The following PCDHGA10 variants were observed in gnomAD, a reference collection of about 807,000 sequenced individuals.
The protein encoded by PCDHGA10 is protocadherin gamma subfamily A, 10.
A neutral mutation model predicts 59.5 loss-of-function variants in PCDHGA10; 42 were observed. That is an observed-to-expected ratio of 0.71 (90% CI 0.55 to 0.91). PCDHGA10 has a LOEUF of 0.91. Ranked by LOEUF, PCDHGA10 falls within the 40% of genes least tolerant of loss-of-function variation. PCDHGA10 has a pLI of 0.00. For missense variants in PCDHGA10, 1,111 were observed against 1,198.2 expected, an observed-to-expected ratio of 0.93 and a Z score of 1.07; for synonymous variants, 511 against 517.2, an observed-to-expected ratio of 0.99 and a Z score of 0.16.
At chr5:141,492,312 C>G (rs1470136040) in intron 1 of PCDHGA10, among the ~76,000 whole-genome samples, 3 of 152,230 alleles carry the variant, frequency 2.0e-5, no homozygotes, top group Non-Finnish European at 4.4e-5. Context: ...CGCACGCACT[C>G]CTCGCACGTG....
At chr5:141,454,131 G>A (rs754465889) in intron 1 of PCDHGA10, among the ~76,000 whole-genome samples, 2 of 152,334 alleles carry the variant, frequency 1.3e-5, no homozygotes, top group South Asian at 2.1e-4. Flanking sequence ...AGCTGACCAT[G>A]GGAATGTTCA....
chr5:141,478,409 G>A, intron 1 of PCDHGA10: 1 of 1,613,016 alleles, frequency 6.2e-7, no homozygotes, highest in South Asian at 1.1e-5. Flanking sequence ...TCTCACCACG[G>A]ACTCCCGCCG....
At chr5:141,463,526 A>G (rs989086820) in intron 1 of PCDHGA10, among the ~76,000 whole-genome samples, 1 of 131,914 alleles carries the variant, frequency 7.6e-6, no homozygotes, top group Non-Finnish European at 1.5e-5. Flanking sequence ...TCGGCTTACT[A>G]GAAACTCCGG....
chr5:141,490,644 T>C lies in PCDHGA10; in HGVS notation c.2437-4163T>C. The C allele has an allele frequency of 6.2e-7, 1 of 1,614,188 alleles. No homozygotes were observed. Among genetic ancestry groups the C allele is most frequent in the Non-Finnish European group, 8.5e-7 (1 of 1,180,016 alleles). On this transcript the variant is annotated intron_variant, in intron 1 of 3. Coordinates refer to ENST00000398610, the MANE Select transcript of PCDHGA10 (RefSeq NM_018913.3). The surrounding 1 kb of genome is among the most constrained non-coding windows in gnomAD (Gnocchi z 5.4). Reference sequence around the variant, plus strand: ...CTGCTTACATCCTAGAAAACCGGCCTCCGGGCTCCCTTCTTTGCACTGTGG... The same window carrying C: ...CTGCTTACATCCTAGAAAACCGGCCCCCGGGCTCCCTTCTTTGCACTGTGG...
chr5:141,430,924 G>A (rs1217400258), intron 1 of PCDHGA10: 1 of 1,607,462 alleles, frequency 6.2e-7, no homozygotes, highest in Admixed American at 1.7e-5. Context: ...TGGGGCTGGA[G>A]CCCCGGGAGC....
At chr5:141,430,786 C>G (rs992448490) in intron 1 of PCDHGA10, 1 of 1,513,352 alleles carries the variant, frequency 6.6e-7, no homozygotes, top group Non-Finnish European at 8.8e-7. Context: ...TGCACCGGGA[C>G]TACAAAGGGC....
At chr5:141,466,107 G>T (rs1463944825) in intron 1 of PCDHGA10, among the ~76,000 whole-genome samples, 1 of 151,928 alleles carries the variant, frequency 6.6e-6, no homozygotes, top group East Asian at 1.9e-4. Flanking sequence ...GGGCAACAGA[G>T]TGAGACTCCA....
At chr5:141,496,639 C>T (rs752903356) in intron 2 of PCDHGA10, among the ~76,000 whole-genome samples, 1 of 152,222 alleles carries the variant, frequency 6.6e-6, no homozygotes, top group Non-Finnish European at 1.5e-5. Context: ...TTGGGCTGCC[C>T]TTGCCCTTCC....
In PCDHGA10 at chr5:141,454,796, A is replaced by ATTTT. The variant is rs61612330; in HGVS notation, c.2436+39211_2436+39214dup. Among the ~76,000 whole-genome samples, 123 of 77,452 alleles carry ATTTT rather than the reference A, an allele frequency of 1.6e-3. 16 individuals are homozygous for ATTTT. The highest frequency in any genetic ancestry group is 7.2e-3 in the South Asian group (14 of 1,958). 50.8% of individuals were successfully genotyped at this position (77,452 alleles called of 152,430 possible). On this transcript the variant is annotated intron_variant, in intron 1 of 3. Coordinates refer to ENST00000398610, the MANE Select transcript of PCDHGA10 (RefSeq NM_018913.3). ...AAGGAAATAATCCTCCATGGTTCTAATTTTTTTTTTTTTTTTTTTTTTTTT... is the reference window on the plus strand; with the variant it reads ...AAGGAAATAATCCTCCATGGTTCTAATTTTTTTTTTTTTTTTTTTTTTTTTTTTT...
At chr5:141,506,962 G>A (rs2099857578) in intron 3 of PCDHGA10, 1 of 152,196 alleles carries the variant, frequency 6.6e-6, no homozygotes, top group Non-Finnish European at 1.5e-5. Context: ...CCTCTCAATA[G>A]CTCTGCAAGG....
At chr5:141,443,169 T>C (rs946262743) in intron 1 of PCDHGA10, among the ~76,000 whole-genome samples, 2 of 152,170 alleles carry the variant, frequency 1.3e-5, no homozygotes, top group Non-Finnish European at 2.9e-5. Flanking sequence ...TCCCTACCCA[T>C]GTCCACTGCA....
intron 1 of PCDHGA10, among the ~76,000 whole-genome samples, chr5:141,450,062 A>G (rs546772416): frequency 1.1e-4 from 15 of 142,322 alleles, no homozygotes; most frequent in African/African-American, 4.0e-4. Flanking sequence ...GCTGGAATGC[A>G]GTGGTATGAT....
rs1409012917 is a variant in PCDHGA10 at position 141,512,928 on chromosome 5, T to A, written c.*1755T>A. On this transcript the variant is annotated 3_prime_UTR_variant, in exon 4 of 4. Transcript: ENST00000398610. ...CAAGTTTTATACTCTAATATTTATA[T>A]GGCTTTTTTTCTTCGACAAAAAAAT... is the stretch of plus-strand genomic sequence containing the variant. 1.3e-5 allele frequency: 2 copies of A among 152,190 alleles called. No individual in the cohort carries two copies. Among genetic ancestry groups the A allele is most frequent in the Non-Finnish European group, 2.9e-5 (2 of 68,044 alleles). The allele number at this position is 152,190 out of a possible 1,614,324, so 9.4% of individuals were successfully genotyped here.
chr5:141,443,781 CA>C (rs1227271563), intron 1 of PCDHGA10, among the ~76,000 whole-genome samples: 2 of 150,514 alleles, frequency 1.3e-5, no homozygotes, highest in African/African-American at 2.4e-5. Flanking sequence ...ACCAAAAAGA[CA>C]AAAAAAATGA....
chr5:141,427,819 T>C, intron 1 of PCDHGA10: 1 of 1,531,664 alleles, frequency 6.5e-7, no homozygotes, highest in Non-Finnish European at 8.9e-7. Context: ...AGCGGGGTGG[T>C]GGTCGCGCAG....
intron 1 of PCDHGA10, chr5:141,418,007 C>T: frequency 6.2e-7 from 1 of 1,613,904 alleles, no homozygotes; most frequent in Non-Finnish European, 8.5e-7. Flanking sequence ...GGTGGGGAAC[C>T]TCGCTAAGGA....
Position 141,477,310 on chromosome 5 carries a change from C to T in PCDHGA10, c.2437-17497C>T. On this transcript the variant is annotated intron_variant, in intron 1 of 3. Coordinates refer to ENST00000398610, the MANE Select transcript of PCDHGA10 (RefSeq NM_018913.3). This position sits in a 1 kb window ranked among gnomAD's most constrained non-coding sequence, Gnocchi z 4.9. ...AAGTTCCACCGGGTCTCCCTTTCAGCCTTACTTCTTCCCTCAAGAATTACT... is the reference window on the plus strand; with the variant it reads ...AAGTTCCACCGGGTCTCCCTTTCAGTCTTACTTCTTCCCTCAAGAATTACT... The T allele has an allele frequency of 6.2e-7, 1 of 1,614,154 alleles. No homozygotes were observed. Among genetic ancestry groups the T allele is most frequent in the Non-Finnish European group, 8.5e-7 (1 of 1,180,018 alleles).
intron 1 of PCDHGA10, among the ~76,000 whole-genome samples, chr5:141,492,760 C>T (rs991820569): frequency 1.3e-5 from 2 of 152,212 alleles, no homozygotes; most frequent in Admixed American, 1.3e-4. Context: ...CAGGGCTCCG[C>T]GTTGGGCGAG....
In PCDHGA10 at chr5:141,485,849, G is replaced by A. The variant is rs777288674; in HGVS notation, c.2437-8958G>A. ...AGGGAACCCGCCGAGATCTGGCACC[G>A]CAGAGCTCCGGGTATCCGTGCTGGA... On this transcript the variant is annotated intron_variant, in intron 1 of 3. Transcript: ENST00000398610. The surrounding 1 kb of genome is among the most constrained non-coding windows in gnomAD (Gnocchi z 5.7). 3 of 1,614,130 alleles carry A rather than the reference G, an allele frequency of 1.9e-6. No individual in the cohort carries two copies. In the South Asian group the frequency reaches 3.3e-5, roughly 18 times the overall value.
Sources: gnomAD v4.1 joint callset for allele counts (sites outside exome capture counted in the v4.1 genomes callset) on GRCh38, gnomAD v4.1.1 for gene constraint, Gnocchi (gnomAD v3.1) non-coding constraint, MANE v1.5 for transcripts, NCBI Gene and HGNC (gene_info 2026-07-23, HGNC 2026-07-21) for gene names.